GPRIN2: variants seen among roughly 807,000 people sequenced by gnomAD.
GPRIN2 encodes the protein G protein-regulated inducer of neurite outgrowth 2.
GPRIN2 carries 1 observed loss-of-function variant against 0.3 expected under a neutral mutation model. The observed-to-expected ratio is 3.90, with a 90% CI of 1.39 to 18.51. GPRIN2 has a LOEUF of 18.51. Ranked by LOEUF, GPRIN2 falls within the 30% of genes most tolerant of loss-of-function variation. GPRIN2 has a pLI of 0.11. For synonymous variants in GPRIN2, 361 were observed against 258.6 expected, an observed-to-expected ratio of 1.40 and a Z score of -3.80; for missense variants, 880 against 604.2, an observed-to-expected ratio of 1.46 and a Z score of -4.79.
chr10:46,550,204 G>A lies in GPRIN2; in HGVS notation c.533C>T (p.Pro178Leu), dbSNP rs1442340846. The A allele has an allele frequency of 6.2e-7, 1 of 1,601,186 alleles. No individual in the cohort carries two copies. Among genetic ancestry groups the A allele is most frequent in the Non-Finnish European group, 8.5e-7 (1 of 1,173,324 alleles). The change falls in exon 3 of 3, where the codon CCT (proline) becomes CTT (leucine). Residue 178 changes from proline (P) to leucine (L), a missense_variant. By Grantham distance (98) the Pro-to-Leu change is moderately conservative. Transcript: ENST00000374314. ...GGCTGAGTTAGAAGTCTCATCCTCA[G>A]GAGCCAGGTCCCTTTCCAGGCCTGC... ...APAGLERDLA[P>L]EDETSNSAWM... is the part of the protein sequence containing the mutation.
chr10:46,557,549 C>G (rs1364031456), upstream of GPRIN2, among the ~76,000 whole-genome samples: 4 of 152,310 alleles, frequency 2.6e-5, no homozygotes, highest in Non-Finnish European at 5.9e-5. Context: ...GGATGAGCCA[C>G]CTCCACTGGA....
Position 46,547,620 on chromosome 10 carries a change from G to A in GPRIN2, c.*1740C>T, listed in dbSNP as rs917894625. On this transcript the variant is annotated 3_prime_UTR_variant, in exon 3 of 3. Transcript: ENST00000374314. The stretch of plus-strand genomic sequence containing the variant: ...ACTTAGCTATGGCCCTGTGTGAAAG[G>A]TCCCTCCCCATGCACCCACAGCCAT... Among the ~76,000 whole-genome samples the A allele has an allele frequency of 6.6e-6, 1 of 152,310 alleles. No homozygotes were observed. The highest frequency in any genetic ancestry group is 1.5e-5 in the Non-Finnish European group (1 of 68,058).
Position 46,544,171 on chromosome 10 carries a change from C to T in GPRIN2, c.*5189G>A, listed in dbSNP as rs894794563. 3.3e-5 allele frequency among the ~76,000 whole-genome samples: 5 copies of T among 152,300 alleles called. No homozygotes were observed. In the East Asian group the frequency reaches 7.7e-4, roughly 23 times the overall value. Reference sequence around the variant, plus strand: ...CGGCCGGCTGCAGAGGGGCTCCATTCCCCTGACCCTCAGTCACTTCCCAGA... The same window carrying T: ...CGGCCGGCTGCAGAGGGGCTCCATTTCCCTGACCCTCAGTCACTTCCCAGA... On this transcript the variant is annotated 3_prime_UTR_variant, in exon 3 of 3. Coordinates refer to ENST00000374314, the MANE Select transcript of GPRIN2 (RefSeq NM_001385282.1).
chr10:46,550,370 C>G lies in GPRIN2; in HGVS notation c.367G>C (p.Asp123His). 1 of 1,612,688 alleles carries G rather than the reference C, an allele frequency of 6.2e-7. No homozygotes were observed. The highest frequency in any genetic ancestry group is 8.5e-7 in the Non-Finnish European group (1 of 1,179,838). Residue 123 changes from aspartate (D) to histidine (H), a missense_variant, in exon 3 of 3, where the codon GAC becomes CAC. Physicochemically the swap from Asp to His is moderately conservative, Grantham distance 81 (BLOSUM62 -1). Coordinates refer to ENST00000374314, the MANE Select transcript of GPRIN2 (RefSeq NM_001385282.1). ...CGCATCTGGGTGCTACGGACCAGGT[C>G]TGAATGGCTCCTCTGCATAGCAGCA... is the stretch of plus-strand genomic sequence containing the variant. ...SAAAMQRSHS[D>H]LVRSTQMRGH...
chr10:46,555,696 C>G (rs1843119491), intron 1 of GPRIN2, among the ~76,000 whole-genome samples: 1 of 152,310 alleles, frequency 6.6e-6, no homozygotes, highest in Admixed American at 6.5e-5. Flanking sequence ...CCTAGGCGCC[C>G]AACAGCCCCT....
In GPRIN2 at chr10:46,554,664, G is replaced by C. The variant is rs1842972859; in HGVS notation, c.-86C>G. ...GATGTCCCGTGGCCAATGCCAGGCT[G>C]TCCTGCTGCCTCAGGTTCCACCTGT... On this transcript the variant is annotated 5_prime_UTR_variant, in exon 2 of 3. Transcript: ENST00000374314. 6.5e-6 allele frequency: 1 copy of C among 153,874 alleles called. No individual in the cohort carries two copies. Among genetic ancestry groups the C allele is most frequent in the Admixed American group, 6.5e-5 (1 of 15,304 alleles). 9.5% of individuals were successfully genotyped at this position (153,874 alleles called of 1,614,324 possible). A position where few individuals can be genotyped will look rare whatever the true frequency, so the allele number is the denominator to read the frequency against.
rs1842470630 is a variant in GPRIN2 at position 46,549,995 on chromosome 10, G to A, written c.742C>T (p.His248Tyr). 1 of 1,608,962 alleles carries A rather than the reference G, an allele frequency of 6.2e-7. No individual in the cohort carries two copies. Among genetic ancestry groups the A allele is most frequent in the Non-Finnish European group, 8.5e-7 (1 of 1,176,076 alleles). The stretch of plus-strand genomic sequence containing the variant: ...AGGATCCCTGTGGCAGGTAGGGCAT[G>A]GCAGCAGCCACCAGCCCTCACCTCC... ...MREVRAGGCC[H>Y]ALPATGILAF... is the part of the protein sequence containing the mutation. Residue 248 changes from histidine to tyrosine, a missense_variant, in exon 3 of 3, where the codon CAT (histidine) becomes TAT (tyrosine). Transcript: ENST00000374314.
upstream of GPRIN2, among the ~76,000 whole-genome samples, chr10:46,557,438 C>T (rs1300184206): frequency 2.6e-5 from 4 of 152,308 alleles, no homozygotes; most frequent in African/African-American, 9.6e-5. Flanking sequence ...TGGTAATCTA[C>T]CACCCCTTTC....
In GPRIN2 at chr10:46,547,212, T is replaced by A. The variant is rs1369198976; in HGVS notation, c.*2148A>T. On this transcript the variant is annotated 3_prime_UTR_variant, in exon 3 of 3. Transcript: ENST00000374314. ...AATCCATTGCACACATGTGTGCCTG[T>A]GTATGCGTGTGTGTGCACGTGTATG... Among the ~76,000 whole-genome samples, 2 of 152,304 alleles carry A rather than the reference T, an allele frequency of 1.3e-5. No individual in the cohort carries two copies. The highest frequency in any genetic ancestry group is 4.8e-5 in the African/African-American group (2 of 41,484).
Position 46,550,126 on chromosome 10 carries a change from G to C in GPRIN2, c.611C>G (p.Thr204Arg), listed in dbSNP as rs1832475552. 1.9e-6 allele frequency: 3 copies of C among 1,608,362 alleles called. No homozygotes were observed. Among genetic ancestry groups the C allele is most frequent in the Admixed American group, 1.7e-5 (1 of 59,878 alleles). ...LSVPPLDLGD[T>R]TAHSSSAQAE... ...CTGGGCACTGCTGCTGTGGGCAGTT[G>C]TGTCCCCCAGGTCTAGTGGTGGCAC... Residue 204 changes from threonine (T) to arginine (R), a missense_variant, in exon 3 of 3, where the codon ACA becomes AGA. Coordinates refer to ENST00000374314, the MANE Select transcript of GPRIN2 (RefSeq NM_001385282.1).
chr10:46,544,918 T>C lies in GPRIN2; in HGVS notation c.*4442A>G, dbSNP rs1297122157. 2.8e-4 allele frequency among the ~76,000 whole-genome samples: 43 copies of C among 152,284 alleles called. No homozygotes were observed. Among genetic ancestry groups the C allele is most frequent in the Admixed American group, 2.8e-3 (42 of 15,270 alleles). On this transcript the variant is annotated 3_prime_UTR_variant, in exon 3 of 3. Coordinates refer to ENST00000374314, the MANE Select transcript of GPRIN2 (RefSeq NM_001385282.1). ...ACAGACCTATGGGATGTCCCAGTGA[T>C]ATGTCCTGGGCTTCATACCAGCCCT...
In GPRIN2 at chr10:46,551,373, G is replaced by A. The variant is rs1429806783; in HGVS notation, c.-6-631C>T. The A allele has an allele frequency of 8.1e-6, 8 of 984,578 alleles. No homozygotes were observed. In the Admixed American group the frequency reaches 1.8e-4, roughly 23 times the overall value. The allele number at this position is 984,578 out of a possible 1,614,324, so 61.0% of individuals were successfully genotyped here. On this transcript the variant is annotated intron_variant, in intron 2 of 2. Coordinates refer to ENST00000374314, the MANE Select transcript of GPRIN2 (RefSeq NM_001385282.1). The stretch of plus-strand genomic sequence containing the variant: ...AACCACCCCCATCCTCCTTGGCCTA[G>A]CCTTGCTGAGCTGGCATGTCTCTGG...
rs1294660859 is a variant in GPRIN2 at position 46,543,964 on chromosome 10, T to TTC, written c.*5395_*5396insGA. The stretch of plus-strand genomic sequence containing the variant: ...CCCACGTCACTTTGGTTTCGCTTGT[T>TTC]TTTTTTTTTAGTAAACATCAGCTTT... On this transcript the variant is annotated 3_prime_UTR_variant, in exon 3 of 3. Transcript: ENST00000374314. Among the ~76,000 whole-genome samples the TTC allele has an allele frequency of 1.3e-5, 2 of 152,004 alleles. No individual in the cohort carries two copies. The highest frequency in any genetic ancestry group is 4.8e-5 in the African/African-American group (2 of 41,356).
rs1050844031 is a variant in GPRIN2 at position 46,550,242 on chromosome 10, A to G, written c.495T>C (p.Gly165=). ...QLQPGGTSGQ[G]GQAPAGLERD... Reference sequence around the variant, plus strand: ...TTTCCAGGCCTGCAGGGGCCTGGCCACCCTGGCCAGAAGTACCACCTGGCT... The same window carrying G: ...TTTCCAGGCCTGCAGGGGCCTGGCCGCCCTGGCCAGAAGTACCACCTGGCT... The change falls in exon 3 of 3, where the codon GGT becomes GGC. Residue 165 remains glycine (G), a synonymous_variant. Transcript: ENST00000374314. 3 of 1,608,828 alleles carry G rather than the reference A, an allele frequency of 1.9e-6. No homozygotes were observed. The African/African-American group carries it at 4.0e-5, about 21-fold the overall frequency.
At chr10:46,557,060 G>A (rs1191303029), upstream of GPRIN2, among the ~76,000 whole-genome samples, 7 of 70,082 alleles carry the variant, frequency 1.0e-4, no homozygotes, top group Non-Finnish European at 1.6e-4. Flanking sequence ...TCCGCACCAC[G>A]CCCCGCATTG....
chr10:46,557,051 C>A (rs1372035191), upstream of GPRIN2, among the ~76,000 whole-genome samples: 1 of 151,802 alleles, frequency 6.6e-6, no homozygotes, highest in Non-Finnish European at 1.5e-5. Context: ...AGTTCCCCCT[C>A]CGCACCACGC....
chr10:46,556,920 G>T (rs1843310562), upstream of GPRIN2, among the ~76,000 whole-genome samples: 1 of 149,796 alleles, frequency 6.7e-6, no homozygotes, highest in Non-Finnish European at 1.5e-5. Context: ...CCACTTCCCC[G>T]ACGCAACCCC....
At position 46,546,850 on chromosome 10, in the gene GPRIN2, G is replaced by T. The variant is rs1209203367; in HGVS notation, c.*2510C>A. On this transcript the variant is annotated 3_prime_UTR_variant, in exon 3 of 3. Coordinates refer to ENST00000374314, the MANE Select transcript of GPRIN2 (RefSeq NM_001385282.1). ...ATCTGGGGCCCCAGCCAAGACACAGGTGTTGGATTTCAGCACCGCTCTGCA... is the reference window on the plus strand; with the variant it reads ...ATCTGGGGCCCCAGCCAAGACACAGTTGTTGGATTTCAGCACCGCTCTGCA... 6.6e-6 allele frequency among the ~76,000 whole-genome samples: 1 copy of T among 152,310 alleles called. No homozygotes were observed. Among genetic ancestry groups the T allele is most frequent in the Non-Finnish European group, 1.5e-5 (1 of 68,058 alleles).
rs1842215610 is a variant in GPRIN2 at position 46,546,972 on chromosome 10, G to C, written c.*2388C>G. On this transcript the variant is annotated 3_prime_UTR_variant, in exon 3 of 3. Transcript: ENST00000374314. ...GCCAGGGCAGCATGGAGGTAGCACA[G>C]AGTGGCACCCAGCCAGCGTGAATGC... 6.6e-6 allele frequency among the ~76,000 whole-genome samples: 1 copy of C among 152,310 alleles called. No homozygotes were observed. The highest frequency in any genetic ancestry group is 2.1e-4 in the South Asian group (1 of 4,838).
Sources: gnomAD v4.1 joint callset for allele counts (sites outside exome capture counted in the v4.1 genomes callset) on GRCh38, gnomAD v4.1.1 for gene constraint, MANE v1.5 for transcripts, NCBI Gene and HGNC (gene_info 2026-07-23, HGNC 2026-07-21) for gene names.